The following FHIP2A variants were observed in gnomAD, a reference collection of about 807,000 sequenced individuals.
FHIP2A encodes the protein FHF complex subunit HOOK interacting protein 2A.
Under a neutral mutation model 93.5 loss-of-function variants are expected in FHIP2A, and 46 were observed. That is an observed-to-expected ratio of 0.49 (90% CI 0.39 to 0.63). The LOEUF is 0.63. Among genes scored for constraint, FHIP2A ranks in the 20% least tolerant of loss-of-function variants. The pLI is 0.00. For missense variants in FHIP2A, 769 were observed against 909.7 expected (o/e 0.85, Z 1.99); for synonymous variants, 332 against 326.5 (o/e 1.02, Z -0.18).
chr10:114,877,431 C>T (rs1282666658), intron 16 of FHIP2A, among the ~76,000 whole-genome samples: 1 of 151,996 alleles, frequency 6.6e-6, no homozygotes, highest in East Asian at 1.9e-4. Context: ...TAGAATTTTG[C>T]ATTCAATCAA....
intron 16 of FHIP2A, among the ~76,000 whole-genome samples, chr10:114,875,984 A>AAGAAAGAAAGAAAAAGAAAG (rs1020909479): frequency 1.3e-5 from 2 of 151,556 alleles, no homozygotes; most frequent in East Asian, 1.9e-4. Context: ...GTAAGAGAGA[A>AAGAAAGAAAGAAAAAGAAAG]AGAAAGAAAG....
At position 114,864,614 on chromosome 10, in the gene FHIP2A, C is replaced by T; in HGVS notation, c.*3074C>T. ...TTCAGATGGTCATTGTGTACCTACT[C>T]TCTCTTCAAAGGAAGTTGTGATCAA... On this transcript the variant is annotated 3_prime_UTR_variant, in exon 17 of 17. Coordinates refer to ENST00000369248, the MANE Select transcript of FHIP2A (RefSeq NM_020940.4). 1 of 985,782 alleles carries T rather than the reference C, an allele frequency of 1.0e-6. No individual in the cohort carries two copies. The allele number at this position is 985,782 out of a possible 1,614,324, so 61.1% of individuals were successfully genotyped here. A position where few individuals can be genotyped will look rare whatever the true frequency, so the allele number is the denominator to read the frequency against.
chr10:114,888,875 T>C (rs2083956265), intron 16 of FHIP2A, among the ~76,000 whole-genome samples: 1 of 152,164 alleles, frequency 6.6e-6, no homozygotes, highest in African/African-American at 2.4e-5. Context: ...AGTGCTGGGA[T>C]TAAAGGTGTG....
intron 3 of FHIP2A, among the ~76,000 whole-genome samples, chr10:114,833,840 A>G (rs2083622245): frequency 6.6e-6 from 1 of 152,220 alleles, no homozygotes; most frequent in Non-Finnish European, 1.5e-5. Flanking sequence ...AAAAATCTTT[A>G]CAAAGCTGAA....
intron 13 of FHIP2A, among the ~76,000 whole-genome samples, chr10:114,853,649 A>G (rs983167449): frequency 2.0e-5 from 3 of 152,254 alleles, no homozygotes; most frequent in Non-Finnish European, 4.4e-5. Flanking sequence ...ACCAAAAGCT[A>G]TAAGAAATTA....
At chr10:114,864,787 C>A (rs771060564), downstream of FHIP2A, 1 of 755,768 alleles carries the variant, frequency 1.3e-6, no homozygotes, top group Non-Finnish European at 1.6e-6. Context: ...CAATTTTTAA[C>A]TTTTTGCACC....
chr10:114,850,950 G>A (rs2083731670), intron 13 of FHIP2A, among the ~76,000 whole-genome samples: 1 of 152,144 alleles, frequency 6.6e-6, no homozygotes, highest in African/African-American at 2.4e-5. Flanking sequence ...GTCGCGCTCT[G>A]TCATCCAGGC....
At chr10:114,889,755 G>A (rs191091900) in intron 16 of FHIP2A, among the ~76,000 whole-genome samples, 45 of 152,318 alleles carry the variant, frequency 3.0e-4, no homozygotes, top group African/African-American at 1.1e-3. Flanking sequence ...CCAGTGCCCT[G>A]GCTGAAGGGC....
At chr10:114,828,327 A>G (rs575725806) in intron 1 of FHIP2A, among the ~76,000 whole-genome samples, 3 of 152,346 alleles carry the variant, frequency 2.0e-5, no homozygotes, top group Admixed American at 6.5e-5. Context: ...TGGTGACCAG[A>G]GAATACAGTT....
chr10:114,893,067 T>C lies in FHIP2A; in HGVS notation c.2193-6423T>C, dbSNP rs12570355. ...ATGTTCTGTAACAGACTTGTATTACTTTAATGACATTAAACAAAACCATCT... is the reference window on the plus strand; with the variant it reads ...ATGTTCTGTAACAGACTTGTATTACCTTAATGACATTAAACAAAACCATCT... On this transcript the variant is annotated intron_variant, in intron 16 of 16. Transcript: ENST00000369250. 4.3e-4 allele frequency among the ~76,000 whole-genome samples: 66 copies of C among 152,316 alleles called. 1 individual carries two copies. The East Asian group carries it at 0.012, about 28-fold the overall frequency.
chr10:114,875,390 G>A (rs775284335), intron 16 of FHIP2A, among the ~76,000 whole-genome samples: 15 of 152,050 alleles, frequency 9.9e-5, no homozygotes, highest in Non-Finnish European at 2.2e-4. Context: ...AAGGATGGTG[G>A]AGAAGTAAGA....
chr10:114,843,655 C>T (rs1232486415), intron 6 of FHIP2A, 86 bp from the exon 7 acceptor site: 4 of 1,048,170 alleles, frequency 3.8e-6, no homozygotes, highest in Middle Eastern at 4.3e-4. Flanking sequence ...TAGTGTGAAA[C>T]ATTAAATCCT....
intron 16 of FHIP2A, among the ~76,000 whole-genome samples, chr10:114,897,363 C>T (rs2084006007): frequency 6.6e-6 from 1 of 152,162 alleles, no homozygotes; most frequent in African/African-American, 2.4e-5. Flanking sequence ...ATTCGGTGTA[C>T]TTTCGTGGCA....
intron 16 of FHIP2A, among the ~76,000 whole-genome samples, chr10:114,894,428 G>A (rs1033403093): frequency 3.6e-4 from 54 of 151,944 alleles, no homozygotes; most frequent in African/African-American, 1.2e-3. Flanking sequence ...TTAGCCAGGC[G>A]TGGTAGCACA....
intron 16 of FHIP2A, among the ~76,000 whole-genome samples, chr10:114,886,567 C>G (rs767796494): frequency 3.3e-5 from 5 of 152,082 alleles, no homozygotes; most frequent in Admixed American, 1.3e-4. Flanking sequence ...TTTTTTGAGA[C>G]AGAGTCTCGC....
At chr10:114,895,193 A>G (rs1008784229) in intron 16 of FHIP2A, among the ~76,000 whole-genome samples, 2 of 152,244 alleles carry the variant, frequency 1.3e-5, no homozygotes, top group Admixed American at 1.3e-4. Context: ...CTGACAATGC[A>G]TCACTGATAG....
exon 17 of FHIP2A, chr10:114,899,632 G>T (rs1241513696): frequency 3.0e-6 from 2 of 674,954 alleles, no homozygotes; most frequent in African/African-American, 3.6e-5. Flanking sequence ...ACCAATCCTG[G>T]TGGCCCCAGG....
intron 1 of FHIP2A, 64 bp from the exon 2 acceptor site, chr10:114,830,788 G>C: frequency 4.5e-6 from 5 of 1,105,294 alleles, no homozygotes; most frequent in Non-Finnish European, 5.4e-6. Flanking sequence ...TAAATACAGA[G>C]TTATAAGTTA....
rs141657938 is a variant in FHIP2A at position 114,830,163 on chromosome 10, T to C, written c.46-689T>C. On this transcript the variant is annotated intron_variant, in intron 1 of 16. Transcript: ENST00000369248. Reference sequence around the variant, plus strand: ...CATAGCAGCTTTTTACTGTTTTGCATTTCAAAGTCCTAGGTACAAAGATTC... The same window carrying C: ...CATAGCAGCTTTTTACTGTTTTGCACTTCAAAGTCCTAGGTACAAAGATTC... 1.1e-3 allele frequency among the ~76,000 whole-genome samples: 174 copies of C among 152,278 alleles called. 1 individual carries two copies. Among genetic ancestry groups the C allele is most frequent in the African/African-American group, 4.1e-3 (170 of 41,566 alleles).
Sources: allele counts gnomAD v4.1 joint callset (sites outside exome capture counted in the v4.1 genomes callset), GRCh38; gene constraint gnomAD v4.1.1; transcripts MANE v1.5; gene names NCBI Gene and HGNC (gene_info 2026-07-23, HGNC 2026-07-21).